The following COX10 variants were observed in gnomAD, a reference collection of about 807,000 sequenced individuals.
The protein encoded by COX10 is cytochrome c oxidase assembly factor heme A:farnesyltransferase COX10.
COX10 carries 27 observed loss-of-function variants against 37.3 expected under a neutral mutation model. The observed-to-expected ratio is 0.72, with a 90% CI of 0.53 to 1.00. COX10 has a LOEUF of 1.00. Among genes scored for constraint, COX10 ranks in the 50% least tolerant of loss-of-function variants. The probability of loss-of-function intolerance (pLI) is 0.00; values close to 1 mark genes in which losing one functional copy is unlikely to be tolerated. For missense variants in COX10, 475 were observed against 563.2 expected (o/e 0.84, Z 1.59); for synonymous variants, 222 against 229.1 (o/e 0.97, Z 0.28).
intron 5 of COX10, among the ~76,000 whole-genome samples, chr17:14,169,335 A>G (rs1299920352): frequency 1.3e-5 from 2 of 152,302 alleles, no homozygotes; most frequent in African/African-American, 2.4e-5. Flanking sequence ...TTTGGTTAAA[A>G]TCATTCAACA....
At chr17:14,191,664 T>C (rs1270165682) in intron 5 of COX10, among the ~76,000 whole-genome samples, 1 of 152,166 alleles carries the variant, frequency 6.6e-6, no homozygotes, top group South Asian at 2.1e-4. Context: ...ATTTCTCTTG[T>C]AGAGAGGAGT....
At chr17:14,178,849 A>G (rs1905768381) in intron 5 of COX10, among the ~76,000 whole-genome samples, 1 of 152,032 alleles carries the variant, frequency 6.6e-6, no homozygotes. Flanking sequence ...CTTGGGCCTG[A>G]TAGTTCCATT....
At chr17:14,172,252 T>G (rs1905492791) in intron 5 of COX10, among the ~76,000 whole-genome samples, 1 of 150,046 alleles carries the variant, frequency 6.7e-6, no homozygotes, top group South Asian at 2.1e-4. Flanking sequence ...TAATGTTGAT[T>G]TCTTTCCTTT....
chr17:14,197,714 C>G (rs1906408001), intron 6 of COX10, among the ~76,000 whole-genome samples: 1 of 148,758 alleles, frequency 6.7e-6, no homozygotes, highest in Non-Finnish European at 1.5e-5. Context: ...TTCTCCCCGT[C>G]ACAGTGCCAA....
intron 3 of COX10, among the ~76,000 whole-genome samples, chr17:14,094,942 G>C (rs565025396): frequency 6.6e-6 from 1 of 152,316 alleles, no homozygotes; most frequent in South Asian, 2.1e-4. Flanking sequence ...GCGACATTTA[G>C]CTTGGAGGGA....
intron 5 of COX10, among the ~76,000 whole-genome samples, chr17:14,184,601 A>T (rs1422764552): frequency 2.0e-5 from 3 of 152,194 alleles, no homozygotes; most frequent in Admixed American, 6.5e-5. Context: ...ATTAAATTAA[A>T]ACAAAGTAGA....
rs774628692 is a variant in COX10 at position 14,077,075 on chromosome 17, ATACT to A, written c.499+26_499+29del. ...CTCACAGGTACTTTGTTTTTCTGATATACTTACTTATTTGAAACTCTATCTTTAG... is the reference window on the plus strand; with the variant it reads ...CTCACAGGTACTTTGTTTTTCTGATATACTTATTTGAAACTCTATCTTTAG... On this transcript the variant is annotated intron_variant, in intron 3 of 6. Coordinates refer to ENST00000261643, the MANE Select transcript of COX10 (RefSeq NM_001303.4). The A allele has an allele frequency of 3.1e-6, 5 of 1,609,920 alleles. No individual in the cohort carries two copies. Among genetic ancestry groups the A allele is most frequent in the Admixed American group, 1.7e-5 (1 of 59,870 alleles).
intron 6 of COX10, among the ~76,000 whole-genome samples, chr17:14,193,991 C>T (rs554430690): frequency 1.2e-3 from 184 of 152,344 alleles, no homozygotes; most frequent in African/African-American, 4.0e-3. Context: ...CTGATGGAGA[C>T]ACCCCCATCC....
At chr17:14,139,478 A>C (rs1407787896) in intron 4 of COX10, among the ~76,000 whole-genome samples, 1 of 152,216 alleles carries the variant, frequency 6.6e-6, no homozygotes, top group Non-Finnish European at 1.5e-5. Context: ...TTTCAAGTAG[A>C]AAGCTGACAA....
intron 5 of COX10, among the ~76,000 whole-genome samples, chr17:14,169,549 T>C (rs182337556): frequency 6.6e-6 from 1 of 152,310 alleles, no homozygotes; most frequent in Admixed American, 6.5e-5. Flanking sequence ...GACTGGGTCA[T>C]TTATAAAGAA....
chr17:14,186,906 T>C (rs1906046152), intron 5 of COX10, among the ~76,000 whole-genome samples: 1 of 152,072 alleles, frequency 6.6e-6, no homozygotes, highest in African/African-American at 2.4e-5. Context: ...GTTTCCAAGT[T>C]ATTTTACTTG....
intron 3 of COX10, among the ~76,000 whole-genome samples, chr17:14,097,052 C>T (rs947787460): frequency 2.6e-5 from 4 of 151,994 alleles, no homozygotes; most frequent in African/African-American, 7.3e-5. Context: ...GGGCAGAATA[C>T]GAGATTACCA....
At chr17:14,120,177 G>A (rs1386923589) in intron 4 of COX10, among the ~76,000 whole-genome samples, 5 of 152,142 alleles carry the variant, frequency 3.3e-5, no homozygotes, top group Non-Finnish European at 4.4e-5. Context: ...TTTGGTGGAA[G>A]GATCATAAGT....
intron 5 of COX10, among the ~76,000 whole-genome samples, chr17:14,179,851 T>G (rs891863397): frequency 7.3e-5 from 11 of 151,490 alleles, no homozygotes; most frequent in African/African-American, 2.4e-4. Context: ...CAGGAGAGAT[T>G]GCACGATAAG....
intron 1 of COX10, 123 bp downstream of exon 1, chr17:14,069,771 G>A (rs763738691): frequency 8.8e-5 from 103 of 1,167,174 alleles, no homozygotes; most frequent in Admixed American, 2.3e-4. Flanking sequence ...GGCCACCGGT[G>A]TGGTGGGGGA....
chr17:14,136,330 A>G (rs2142222644), intron 4 of COX10, among the ~76,000 whole-genome samples: 1 of 152,156 alleles, frequency 6.6e-6, no homozygotes, highest in East Asian at 1.9e-4. Flanking sequence ...AGATGACATA[A>G]AAATGAAGTG....
intron 3 of COX10, among the ~76,000 whole-genome samples, chr17:14,078,217 C>T (rs1239091529): frequency 6.6e-6 from 1 of 152,030 alleles, no homozygotes; most frequent in African/African-American, 2.4e-5. Flanking sequence ...TCTCTTTTGT[C>T]ATTTACACAA....
At chr17:14,154,886 C>T (rs147087082) in intron 4 of COX10, among the ~76,000 whole-genome samples, 354 of 152,162 alleles carry the variant, frequency 2.3e-3, no homozygotes, top group African/African-American at 8.3e-3. Flanking sequence ...GAGATAGTGG[C>T]GAGTGTGACC....
Position 14,101,950 on chromosome 17 carries a change from A to G in COX10, c.500-168A>G, listed in dbSNP as rs3785686. On this transcript the variant is annotated intron_variant, in intron 3 of 6. Coordinates refer to ENST00000261643, the MANE Select transcript of COX10 (RefSeq NM_001303.4). ...TATATAATTAGTACATGTAGTTTTT[A>G]TAATCAGAAAAATGTGGATCTTTTT... Among the ~76,000 whole-genome samples, 6,908 of 152,314 alleles carry G rather than the reference A, an allele frequency of 0.045. 199 individuals are homozygous for G. Among genetic ancestry groups the G allele is most frequent in the East Asian group, 0.15 (777 of 5,176 alleles).
Sources: gnomAD v4.1 joint callset for allele counts (sites outside exome capture counted in the v4.1 genomes callset) on GRCh38, gnomAD v4.1.1 for gene constraint, MANE v1.5 for transcripts, NCBI Gene and HGNC (gene_info 2026-07-23, HGNC 2026-07-21) for gene names.